Variants in FOXP1 observed in about 807,000 individuals in gnomAD.
FOXP1 encodes forkhead box protein P1.
Under a neutral mutation model 98.2 loss-of-function variants are expected in FOXP1, and 15 were observed. The ratio of observed to expected loss-of-function variants is 0.15; its 90% confidence interval spans 0.10 to 0.24. The LOEUF (loss-of-function observed/expected upper bound fraction) is 0.24, where lower values mean the gene tolerates loss of function less well. FOXP1 is among the 10% of genes least tolerant of loss of function. FOXP1 has a pLI of 1.00. For missense variants in FOXP1, 633 were observed against 848.5 expected, an observed-to-expected ratio of 0.75 and a Z score of 3.15; for synonymous variants, 371 against 314.5, an observed-to-expected ratio of 1.18 and a Z score of -1.90.
At chr3:71,120,347 A>C (rs1025306819) in intron 6 of FOXP1, among the ~76,000 whole-genome samples, 3 of 152,254 alleles carry the variant, frequency 2.0e-5, no homozygotes, top group African/African-American at 7.2e-5. Context: ...GTGGCTGAGA[A>C]GGGAAAGGCT....
intron 2 of FOXP1, among the ~76,000 whole-genome samples, chr3:71,505,889 G>C (rs1251572095): frequency 6.6e-6 from 1 of 152,164 alleles, no homozygotes; most frequent in Non-Finnish European, 1.5e-5. Flanking sequence ...CTTCCGCCCG[G>C]AAGCCTCTCA....
chr3:71,112,786 G>T, intron 6 of FOXP1, 149 bp from the exon 7 acceptor site: 1 of 662,264 alleles, frequency 1.5e-6, no homozygotes, highest in Non-Finnish European at 2.7e-6. Flanking sequence ...CTTCCCACCA[G>T]TCTTAGTTGG....
intron 2 of FOXP1, among the ~76,000 whole-genome samples, chr3:71,560,014 A>G (rs972327460): frequency 3.3e-5 from 5 of 152,152 alleles, no homozygotes; most frequent in African/African-American, 1.2e-4. Flanking sequence ...GAAATGAGAG[A>G]GCTAAGAATG....
At chr3:71,400,516 C>T (rs1308798825) in intron 3 of FOXP1, among the ~76,000 whole-genome samples, 1 of 152,066 alleles carries the variant, frequency 6.6e-6, no homozygotes, top group Non-Finnish European at 1.5e-5. Flanking sequence ...AGCCACCATG[C>T]CTGGCTAATT....
intron 5 of FOXP1, among the ~76,000 whole-genome samples, chr3:71,298,671 A>G (rs1012237311): frequency 6.6e-5 from 10 of 152,136 alleles, no homozygotes; most frequent in Admixed American, 2.6e-4. Context: ...AGATGGTGAA[A>G]TGATGCAAGT....
chr3:71,047,240 G>A lies in FOXP1; in HGVS notation c.511-145C>T. 3 of 922,060 alleles carry A rather than the reference G, an allele frequency of 3.3e-6. No homozygotes were observed. The Admixed American group carries it at 5.7e-5, about 18-fold the overall frequency. The allele number at this position is 922,060 out of a possible 1,614,324, so 57.1% of individuals were successfully genotyped here. Reference sequence around the variant, plus strand: ...AGGGCTCCGTGTCAAGGTTTAAAAGGGACAAAGCATACCTCCTCTGAGGAG... The same window carrying A: ...AGGGCTCCGTGTCAAGGTTTAAAAGAGACAAAGCATACCTCCTCTGAGGAG... On this transcript the variant is annotated intron_variant, in intron 9 of 20. Transcript: ENST00000649528.
intron 2 of FOXP1, chr3:71,541,952 C>T (rs1368075868): frequency 1.9e-6 from 1 of 529,890 alleles, no homozygotes; most frequent in Non-Finnish European, 3.9e-6. Context: ...TGCCACATGG[C>T]ATCACGCCGC....
chr3:71,396,995 C>CACATATATATGTGTATATATATATATAT (rs2081482092), intron 3 of FOXP1, among the ~76,000 whole-genome samples: 2 of 46,114 alleles, frequency 4.3e-5, no homozygotes, highest in East Asian at 7.2e-4. Context: ...TATATATATA[C>CACATATATATGTGTATATATATATATAT]ACATATATAT....
intron 7 of FOXP1, among the ~76,000 whole-genome samples, chr3:71,082,482 G>T (rs950588029): frequency 3.3e-5 from 5 of 151,028 alleles, no homozygotes; most frequent in Non-Finnish European, 7.4e-5. Context: ...GTCAGGGGGT[G>T]GGGGGTAGGG....
intron 7 of FOXP1, among the ~76,000 whole-genome samples, chr3:71,087,877 A>G (rs1446851822): frequency 6.6e-6 from 1 of 152,220 alleles, no homozygotes; most frequent in Non-Finnish European, 1.5e-5. Context: ...CTCATGTGAA[A>G]CAAACAAAAA....
At chr3:71,516,377 T>G (rs1272540045) in intron 2 of FOXP1, among the ~76,000 whole-genome samples, 8 of 152,274 alleles carry the variant, frequency 5.3e-5, no homozygotes. Flanking sequence ...AATCAATTGG[T>G]AAATCTCGCT....
chr3:71,370,795 G>GTTT (rs1357412935), intron 3 of FOXP1, among the ~76,000 whole-genome samples: 1 of 104,270 alleles, frequency 9.6e-6, no homozygotes, highest in South Asian at 3.4e-4. Flanking sequence ...AGTTTTTTTT[G>GTTT]TTGTTTTTTT....
chr3:71,537,892 T>C (rs1310036718), intron 2 of FOXP1, among the ~76,000 whole-genome samples: 1 of 152,222 alleles, frequency 6.6e-6, no homozygotes, highest in East Asian at 1.9e-4. Flanking sequence ...TGGTGACACA[T>C]GAACACGATG....
At chr3:71,450,010 G>A (rs1304577638) in intron 3 of FOXP1, among the ~76,000 whole-genome samples, 1 of 151,950 alleles carries the variant, frequency 6.6e-6, no homozygotes, top group Non-Finnish European at 1.5e-5. Context: ...AAGGAAAAGG[G>A]GCTTTATAAA....
chr3:71,376,554 G>A (rs904505462), intron 3 of FOXP1, among the ~76,000 whole-genome samples: 1 of 152,196 alleles, frequency 6.6e-6, no homozygotes, highest in Non-Finnish European at 1.5e-5. Flanking sequence ...TCATTTAGTA[G>A]AAATACCAAA....
intron 4 of FOXP1, among the ~76,000 whole-genome samples, chr3:71,353,081 C>A (rs949814276): frequency 6.6e-6 from 1 of 152,146 alleles, no homozygotes; most frequent in Non-Finnish European, 1.5e-5. Flanking sequence ...CTTTACTGAT[C>A]CCCTGGGAAA....
chr3:70,985,775 C>G (rs1448005428), intron 14 of FOXP1, among the ~76,000 whole-genome samples: 1 of 152,032 alleles, frequency 6.6e-6, no homozygotes, highest in East Asian at 1.9e-4. Flanking sequence ...AAACCTCACA[C>G]AGACGGCCTA....
In FOXP1 at chr3:71,372,302, G is replaced by A. The variant is rs184559806; in HGVS notation, c.-167-13058C>T. ...CTGCCAACGTGCTGAGATTACAGGC[G>A]TGAGCCACTGTGCCTGGCCGAGGAT... On this transcript the variant is annotated intron_variant, in intron 3 of 20. Transcript: ENST00000649528. Among the ~76,000 whole-genome samples, 243 of 152,004 alleles carry A rather than the reference G, an allele frequency of 1.6e-3. 2 individuals are homozygous for A. Among genetic ancestry groups the A allele is most frequent in the African/African-American group, 5.5e-3 (229 of 41,474 alleles).
At chr3:71,520,657 A>C (rs1411835797) in intron 2 of FOXP1, among the ~76,000 whole-genome samples, 1 of 152,246 alleles carries the variant, frequency 6.6e-6, no homozygotes, top group Non-Finnish European at 1.5e-5. Context: ...TAGCAAAAGA[A>C]TGAGTAAGTC....
Sources: allele counts gnomAD v4.1 joint callset (sites outside exome capture counted in the v4.1 genomes callset), GRCh38; gene constraint gnomAD v4.1.1; transcripts MANE v1.5; gene names NCBI Gene and HGNC (gene_info 2026-07-23, HGNC 2026-07-21).